The following RBMS1 variants were observed in gnomAD, a reference collection of about 807,000 sequenced individuals.
The protein encoded by RBMS1 is RNA binding motif single stranded interacting protein 1.
RBMS1 carries 17 observed loss-of-function variants against 62.3 expected under a neutral mutation model. The observed-to-expected ratio is 0.27, with a 90% CI of 0.19 to 0.41. The LOEUF (loss-of-function observed/expected upper bound fraction) is 0.41. Ranked by LOEUF, RBMS1 falls within the 10% of genes least tolerant of loss-of-function variation. The probability of loss-of-function intolerance (pLI) is 1.00; values close to 1 mark genes in which losing one functional copy is unlikely to be tolerated. For synonymous variants in RBMS1, 172 were observed against 170.0 expected (o/e 1.01, Z -0.09); for missense variants, 334 against 504.5 (o/e 0.66, Z 3.24).
At chr2:160,475,942 C>T (rs984356743) in intron 1 of RBMS1, among the ~76,000 whole-genome samples, 3 of 150,674 alleles carry the variant, frequency 2.0e-5, no homozygotes, top group African/African-American at 7.3e-5. Flanking sequence ...CTGCAACCTT[C>T]GCCCCCCGAG....
intron 1 of RBMS1, among the ~76,000 whole-genome samples, chr2:160,382,621 G>C (rs564764275): frequency 9.9e-5 from 15 of 152,254 alleles, no homozygotes; most frequent in Non-Finnish European, 2.1e-4. Context: ...GCCACATCTG[G>C]TCAGGCAGTT....
chr2:160,301,320 C>T (rs1689195284), intron 5 of RBMS1, among the ~76,000 whole-genome samples: 1 of 152,174 alleles, frequency 6.6e-6, no homozygotes, highest in Non-Finnish European at 1.5e-5. Context: ...GCTAACTTTA[C>T]AACTTAGTCA....
rs537648367 is a variant in RBMS1, at chr2:160,386,454, T to A, written c.76-19063A>T. Among the ~76,000 whole-genome samples, 4 of 152,052 alleles carry A rather than the reference T, an allele frequency of 2.6e-5. No individual in the cohort carries two copies. The South Asian group carries it at 8.3e-4, about 32-fold the overall frequency. Reference sequence around the variant, plus strand: ...AGGAGGTTGAGGCAGGAGAATCACTTGAACCCAGGAGGCGGAGGTTGCAGT... The same window carrying A: ...AGGAGGTTGAGGCAGGAGAATCACTAGAACCCAGGAGGCGGAGGTTGCAGT... On this transcript the variant is annotated intron_variant, in intron 1 of 13. Transcript: ENST00000348849.
intron 2 of RBMS1, among the ~76,000 whole-genome samples, chr2:160,324,105 T>G (rs572939295): frequency 8.5e-5 from 13 of 152,346 alleles, no homozygotes; most frequent in African/African-American, 3.1e-4. Context: ...AAACACAAGC[T>G]TATTGTACAC....
intron 1 of RBMS1, among the ~76,000 whole-genome samples, chr2:160,472,107 G>T (rs1040605736): frequency 6.6e-6 from 1 of 152,050 alleles, no homozygotes; most frequent in Non-Finnish European, 1.5e-5. Flanking sequence ...AAAAACAGCT[G>T]GCGTCACTGG....
intron 6 of RBMS1, among the ~76,000 whole-genome samples, chr2:160,296,896 C>T (rs756617679): frequency 7.9e-5 from 12 of 152,260 alleles, no homozygotes; most frequent in South Asian, 2.1e-4. Flanking sequence ...GATATGAGCA[C>T]CAGTGTCTGC....
intron 4 of RBMS1, among the ~76,000 whole-genome samples, chr2:160,304,785 A>G (rs772905431): frequency 1.4e-4 from 22 of 152,352 alleles, no homozygotes; most frequent in Non-Finnish European, 2.6e-4. Flanking sequence ...ATACTTGACA[A>G]AAGTCAAAAA....
chr2:160,349,787 G>A lies in RBMS1; in HGVS notation c.251+17429C>T, dbSNP rs376690746. 2.7e-5 allele frequency among the ~76,000 whole-genome samples: 4 copies of A among 147,676 alleles called. No individual in the cohort carries two copies. In the East Asian group the frequency reaches 8.3e-4, roughly 31 times the overall value. On this transcript the variant is annotated intron_variant, in intron 2 of 13. Transcript: ENST00000348849. ...CAAAAATAAGCAAATTATACAATATGTTAGGGGATGGTATTATGACAATAG... is the reference window on the plus strand; with the variant it reads ...CAAAAATAAGCAAATTATACAATATATTAGGGGATGGTATTATGACAATAG...
intron 1 of RBMS1, among the ~76,000 whole-genome samples, chr2:160,439,274 C>T (rs1302304470): frequency 6.7e-6 from 1 of 149,666 alleles, no homozygotes; most frequent in Non-Finnish European, 1.5e-5. Flanking sequence ...GGCTGCTGGG[C>T]GGAAGGGCTC....
chr2:160,317,452 A>C (rs1331322275), intron 3 of RBMS1, among the ~76,000 whole-genome samples: 2 of 152,178 alleles, frequency 1.3e-5, no homozygotes, highest in African/African-American at 4.8e-5. Flanking sequence ...CCTATTGTTA[A>C]GATGCTGGAT....
intron 1 of RBMS1, among the ~76,000 whole-genome samples, chr2:160,384,135 T>G (rs974363382): frequency 6.6e-6 from 1 of 152,216 alleles, no homozygotes; most frequent in Non-Finnish European, 1.5e-5. Flanking sequence ...AGGCGGAGCT[T>G]GCAGTGAGCC....
At chr2:160,431,693 T>C (rs1352501823) in intron 1 of RBMS1, among the ~76,000 whole-genome samples, 2 of 152,218 alleles carry the variant, frequency 1.3e-5, no homozygotes, top group East Asian at 1.9e-4. Context: ...CAGTTCCTTA[T>C]ACTTGCAAGG....
chr2:160,423,411 C>T (rs1696514548), intron 1 of RBMS1, among the ~76,000 whole-genome samples: 2 of 152,062 alleles, frequency 1.3e-5, no homozygotes, highest in South Asian at 4.1e-4. Flanking sequence ...GCTTCTTATG[C>T]TACTTTATTC....
At chr2:160,409,430 T>C (rs1695930536) in intron 1 of RBMS1, among the ~76,000 whole-genome samples, 1 of 152,202 alleles carries the variant, frequency 6.6e-6, no homozygotes, top group African/African-American at 2.4e-5. Flanking sequence ...TCATTGAAAA[T>C]TGGTGTATCT....
intron 1 of RBMS1, among the ~76,000 whole-genome samples, chr2:160,448,343 G>A (rs1031351653): frequency 1.6e-5 from 2 of 125,614 alleles, no homozygotes; most frequent in Admixed American, 9.9e-5. Flanking sequence ...CTCTGATGCC[G>A]AGCGGAGGCT....
At chr2:160,354,497 AAACACTTTG>A (rs1692687990) in intron 2 of RBMS1, among the ~76,000 whole-genome samples, 1 of 152,134 alleles carries the variant, frequency 6.6e-6, no homozygotes, top group Middle Eastern at 3.2e-3. Context: ...GGTGAAGATG[AAACACTTTG>A]GAAGCCCACT....
chr2:160,328,747 A>G (rs972837697), intron 2 of RBMS1, among the ~76,000 whole-genome samples: 2 of 152,152 alleles, frequency 1.3e-5, no homozygotes, highest in South Asian at 2.1e-4. Flanking sequence ...TTTCGTTTCT[A>G]AACTGTTTTT....
chr2:160,401,554 A>T (rs924948325), intron 1 of RBMS1, among the ~76,000 whole-genome samples: 2 of 152,230 alleles, frequency 1.3e-5, no homozygotes, highest in African/African-American at 4.8e-5. Flanking sequence ...GAGTTTAAAA[A>T]CAAACACCCA....
chr2:160,464,459 G>C (rs1169079626), intron 1 of RBMS1, among the ~76,000 whole-genome samples: 1 of 152,090 alleles, frequency 6.6e-6, no homozygotes, highest in Non-Finnish European at 1.5e-5. Flanking sequence ...CAAAAATGTA[G>C]GAAAAGTGTG....
Sources: allele counts gnomAD v4.1 joint callset (sites outside exome capture counted in the v4.1 genomes callset), GRCh38; gene constraint gnomAD v4.1.1; transcripts MANE v1.5; gene names NCBI Gene and HGNC (gene_info 2026-07-23, HGNC 2026-07-21).